ENOX1: variants seen among roughly 807,000 people sequenced by gnomAD.
The protein encoded by ENOX1 is ecto-NOX disulfide-thiol exchanger 1.
In ENOX1, 42 loss-of-function variants were observed where a neutral mutation model predicts 82.5. The ratio of observed to expected loss-of-function variants is 0.51; its 90% CI spans 0.40 to 0.66. The LOEUF (loss-of-function observed/expected upper bound fraction) is 0.66. Ranked by LOEUF, ENOX1 falls within the 30% of genes least tolerant of loss-of-function variation. The pLI, the probability that ENOX1 is intolerant of heterozygous loss-of-function variation, is 0.00. For missense variants in ENOX1, 608 were observed against 811.6 expected (o/e 0.75, Z 3.05); for synonymous variants, 271 against 282.2 (o/e 0.96, Z 0.40).
chr13:43,603,582 TTGTGTCCA>T (rs1385691396), intron 2 of ENOX1, among the ~76,000 whole-genome samples: 1 of 143,864 alleles, frequency 7.0e-6, no homozygotes, highest in East Asian at 2.2e-4. Context: ...GTTCCCCTTC[TTGTGTCCA>T]TGTGTTCTCA....
intron 15 of ENOX1, among the ~76,000 whole-genome samples, chr13:43,234,172 TG>T (rs1262257818): frequency 3.3e-5 from 5 of 152,192 alleles, no homozygotes; most frequent in South Asian, 2.1e-4. Context: ...GATCATTTAG[TG>T]GCAGGCAGAA....
chr13:43,662,262 G>A (rs1416436895), intron 2 of ENOX1, among the ~76,000 whole-genome samples: 1 of 152,060 alleles, frequency 6.6e-6, no homozygotes, highest in Non-Finnish European at 1.5e-5. Flanking sequence ...TGAGCTCAGT[G>A]GCAACAGAGT....
intron 3 of ENOX1, among the ~76,000 whole-genome samples, chr13:43,479,456 C>A (rs922614455): frequency 7.2e-5 from 11 of 152,214 alleles, no homozygotes; most frequent in African/African-American, 2.7e-4. Flanking sequence ...CTCCTGAGGT[C>A]CAAGCCTGTC....
chr13:43,419,435 G>T (rs533466933), intron 3 of ENOX1, among the ~76,000 whole-genome samples: 1 of 152,088 alleles, frequency 6.6e-6, no homozygotes, highest in South Asian at 2.1e-4. Context: ...CGTCCCAGCT[G>T]CTCAGGACGC....
At chr13:43,396,221 TCCTTGTTTCTTCAAAGTCTAGCAAGA>T (rs1365393517) in intron 5 of ENOX1, among the ~76,000 whole-genome samples, 5 of 152,202 alleles carry the variant, frequency 3.3e-5, no homozygotes, top group African/African-American at 1.2e-4. Context: ...CTTTTCTTGC[TCCTTGTTTCTTCAAAGTCTAGCAAGA>T]TTTGAGTTCC....
chr13:43,769,969 T>A (rs966491353), intron 1 of ENOX1, among the ~76,000 whole-genome samples: 1 of 152,226 alleles, frequency 6.6e-6, no homozygotes. Flanking sequence ...AAGGAGCGTA[T>A]CTTTTGATCC....
intron 12 of ENOX1, among the ~76,000 whole-genome samples, chr13:43,285,019 A>G (rs1213620475): frequency 6.6e-6 from 1 of 152,222 alleles, no homozygotes; most frequent in Non-Finnish European, 1.5e-5. Flanking sequence ...CTGCACATAG[A>G]TAAGAACTTG....
At chr13:43,222,578 C>A (rs566837129) in intron 16 of ENOX1, among the ~76,000 whole-genome samples, 1 of 152,268 alleles carries the variant, frequency 6.6e-6, no homozygotes, top group African/African-American at 2.4e-5. Context: ...TTGGGACTTG[C>A]AGAAAGGGAG....
At chr13:43,366,280 AGC>A (rs2050840453) in intron 5 of ENOX1, among the ~76,000 whole-genome samples, 1 of 137,474 alleles carries the variant, frequency 7.3e-6, no homozygotes, top group South Asian at 2.4e-4. Flanking sequence ...AAGGCTGACC[AGC>A]TTTTTTTTTT....
At chr13:43,654,182 T>A (rs1388603063) in intron 2 of ENOX1, among the ~76,000 whole-genome samples, 1 of 152,198 alleles carries the variant, frequency 6.6e-6, no homozygotes, top group African/African-American at 2.4e-5. Context: ...CCTCATCTAA[T>A]CAGGTGAAGG....
chr13:43,628,366 T>C (rs150511397), intron 2 of ENOX1, among the ~76,000 whole-genome samples: 6 of 152,320 alleles, frequency 3.9e-5, no homozygotes, highest in Non-Finnish European at 8.8e-5. Flanking sequence ...GATGCCTTCC[T>C]TTCTCCCCTT....
At chr13:43,632,287 T>A (rs1346144311) in intron 2 of ENOX1, among the ~76,000 whole-genome samples, 4 of 152,108 alleles carry the variant, frequency 2.6e-5, no homozygotes, top group Non-Finnish European at 5.9e-5. Flanking sequence ...TATATAATGT[T>A]GTCTACTTTA....
At chr13:43,514,840 A>T (rs1382370419) in intron 2 of ENOX1, among the ~76,000 whole-genome samples, 1 of 101,576 alleles carries the variant, frequency 9.8e-6, no homozygotes, top group African/African-American at 3.7e-5. Flanking sequence ...TAGAGGAGAC[A>T]GGTGGTTTCT....
chr13:43,309,511 G>A (rs1269683616), intron 11 of ENOX1, among the ~76,000 whole-genome samples: 4 of 152,234 alleles, frequency 2.6e-5, no homozygotes, highest in South Asian at 2.1e-4. Flanking sequence ...GAGAGGAAAC[G>A]CAGAAGGAAG....
intron 2 of ENOX1, among the ~76,000 whole-genome samples, chr13:43,586,442 C>T (rs2080986178): frequency 1.3e-5 from 2 of 152,196 alleles, no homozygotes; most frequent in Non-Finnish European, 2.9e-5. Context: ...TGTTCTCTCA[C>T]TGCTCCTCTA....
chr13:43,287,747 C>G (rs1013039888), intron 12 of ENOX1, among the ~76,000 whole-genome samples: 2 of 152,166 alleles, frequency 1.3e-5, no homozygotes, highest in South Asian at 2.1e-4. Flanking sequence ...CATTTTTAGT[C>G]TTTGTATCTT....
intron 2 of ENOX1, among the ~76,000 whole-genome samples, chr13:43,503,423 A>G (rs536628628): frequency 6.6e-6 from 1 of 151,888 alleles, no homozygotes; most frequent in Admixed American, 6.6e-5. Context: ...GACCCTGAAT[A>G]GCCAAAGCAA....
At chr13:43,652,286 C>G (rs1357584983) in intron 2 of ENOX1, among the ~76,000 whole-genome samples, 2 of 152,184 alleles carry the variant, frequency 1.3e-5, no homozygotes, top group Non-Finnish European at 2.9e-5. Flanking sequence ...GATTCTCATC[C>G]CTACTTGAGC....
intron 2 of ENOX1, among the ~76,000 whole-genome samples, chr13:43,532,786 C>T (rs1192421649): frequency 6.6e-6 from 1 of 151,782 alleles, no homozygotes. Context: ...GGATACTAAC[C>T]TTCTTGTTAT....
Sources: allele counts gnomAD v4.1 joint callset (sites outside exome capture counted in the v4.1 genomes callset), GRCh38; gene constraint gnomAD v4.1.1; transcripts MANE v1.5; gene names NCBI Gene and HGNC (gene_info 2026-07-23, HGNC 2026-07-21).